GPRC5A: variants seen among roughly 807,000 people sequenced by gnomAD.
GPRC5A encodes the protein retinoic acid-induced protein 3.
A neutral mutation model predicts 22.5 loss-of-function variants in GPRC5A; 19 were observed. The observed-to-expected ratio is 0.85, with a 90% CI of 0.59 to 1.24. The LOEUF (loss-of-function observed/expected upper bound fraction) is 1.24, where lower values mean the gene tolerates loss of function less well. Among genes scored for constraint, GPRC5A ranks in the 50% most tolerant of loss-of-function variants. GPRC5A has a pLI of 0.00. For missense variants in GPRC5A, 471 were observed against 451.1 expected (o/e 1.04, Z -0.40); for synonymous variants, 192 against 184.5 (o/e 1.04, Z -0.33).
intron 1 of GPRC5A, among the ~76,000 whole-genome samples, chr12:12,902,647 G>A (rs1225285432): frequency 1.3e-5 from 2 of 152,152 alleles, no homozygotes; most frequent in Non-Finnish European, 2.9e-5. Flanking sequence ...GCATGCGCTT[G>A]TAGTTTCAGC....
rs1170078118 is a variant in GPRC5A, at chr12:12,913,608, A to C, written c.*1069A>C. The stretch of plus-strand genomic sequence containing the variant: ...CATTGTATAATAAGTTATTCACCTG[A>C]GTATGCAATAAAGATGTGGTGGCCA... On this transcript the variant is annotated 3_prime_UTR_variant, in exon 4 of 4. Coordinates refer to ENST00000014914, the MANE Select transcript of GPRC5A (RefSeq NM_003979.4). 6.6e-6 allele frequency: 1 copy of C among 152,108 alleles called. No homozygotes were observed. The highest frequency in any genetic ancestry group is 1.5e-5 in the Non-Finnish European group (1 of 68,030). 9.4% of individuals were successfully genotyped at this position (152,108 alleles called of 1,614,324 possible).
At chr12:12,899,919 G>T (rs1474443366) in intron 1 of GPRC5A, among the ~76,000 whole-genome samples, 1 of 152,188 alleles carries the variant, frequency 6.6e-6, no homozygotes, top group African/African-American at 2.4e-5. Flanking sequence ...ATTCTCAGAT[G>T]CTCTGGGAAG....
chr12:12,898,394 T>C (rs1344666165), intron 1 of GPRC5A, among the ~76,000 whole-genome samples: 6 of 151,904 alleles, frequency 3.9e-5, no homozygotes, highest in Non-Finnish European at 8.8e-5. Context: ...AGTAGCTAGA[T>C]GTGGTGGTGC....
intron 2 of GPRC5A, among the ~76,000 whole-genome samples, chr12:12,910,558 A>T (rs938235032): frequency 6.6e-6 from 1 of 152,210 alleles, no homozygotes; most frequent in African/African-American, 2.4e-5. Flanking sequence ...TGGAACCAAC[A>T]ACCTCTGAAG....
At position 12,917,776 on chromosome 12, in the gene GPRC5A, C is replaced by T. The variant is rs2136466572; in HGVS notation, c.*5237C>T. On this transcript the variant is annotated 3_prime_UTR_variant, in exon 4 of 4. Transcript: ENST00000014914. ...GGATTGCAAAGCAAGGCAAAGCGTTCTGTCTTCATTTTCCCCATCCCCATG... is the reference window on the plus strand; with the variant it reads ...GGATTGCAAAGCAAGGCAAAGCGTTTTGTCTTCATTTTCCCCATCCCCATG... 1 of 152,338 alleles carries T rather than the reference C, an allele frequency of 6.6e-6. No homozygotes were observed. The highest frequency in any genetic ancestry group is 1.9e-4 in the East Asian group (1 of 5,178). 9.4% of individuals were successfully genotyped at this position (152,338 alleles called of 1,614,324 possible).
chr12:12,900,593 G>A (rs1565463441), intron 1 of GPRC5A, among the ~76,000 whole-genome samples: 1 of 151,856 alleles, frequency 6.6e-6, no homozygotes, highest in Non-Finnish European at 1.5e-5. Context: ...TTCCCCACTG[G>A]TTTTTCTAAA....
chr12:12,915,991 C>A lies in GPRC5A; in HGVS notation c.*3452C>A. The A allele has an allele frequency of 2.5e-6, 1 of 399,796 alleles. No individual in the cohort carries two copies. Among genetic ancestry groups the A allele is most frequent in the Non-Finnish European group, 5.3e-6 (1 of 188,966 alleles). The allele number at this position is 399,796 out of a possible 1,614,324, so 24.8% of individuals were successfully genotyped here. On this transcript the variant is annotated 3_prime_UTR_variant, in exon 4 of 4. Transcript: ENST00000014914. ...AACTCATCTTCAGGTCTCACACCTTCTGCACATAAATAAGCTATTTTTAAA... is the reference window on the plus strand; with the variant it reads ...AACTCATCTTCAGGTCTCACACCTTATGCACATAAATAAGCTATTTTTAAA...
At position 12,908,536 on chromosome 12, in the gene GPRC5A, C is replaced by A; in HGVS notation, c.287C>A (p.Thr96Lys). The change falls in exon 2 of 4, where the codon ACA becomes AAA. Residue 96 changes from threonine to lysine, a missense_variant. Coordinates refer to ENST00000014914, the MANE Select transcript of GPRC5A (RefSeq NM_003979.4). ...IIGLDGSTGP[T>K]RFFLFGILFS... is the part of the protein sequence containing the mutation. ...GGACTGGACGGGAGCACAGGGCCCA[C>A]ACGCTTCTTCCTCTTTGGGATCCTC... The A allele has an allele frequency of 6.2e-7, 1 of 1,614,178 alleles. No individual in the cohort carries two copies. Among genetic ancestry groups the A allele is most frequent in the Admixed American group, 1.7e-5 (1 of 60,008 alleles).
At chr12:12,904,834 A>C (rs1863924366) in intron 1 of GPRC5A, among the ~76,000 whole-genome samples, 1 of 151,754 alleles carries the variant, frequency 6.6e-6, no homozygotes, top group Non-Finnish European at 1.5e-5. Flanking sequence ...TATGAATTAA[A>C]TAATTTTGGT....
At chr12:12,908,193 T>C in intron 1 of GPRC5A, 50 bp from the exon 2 acceptor site, 2 of 1,211,142 alleles carry the variant, frequency 1.7e-6, no homozygotes. Flanking sequence ...CTGAGGACTG[T>C]GTTAGGAGAT....
chr12:12,912,500 C>T lies in GPRC5A; in HGVS notation c.1035C>T (p.Ser345=). 6.2e-7 allele frequency: 1 copy of T among 1,612,168 alleles called. No homozygotes were observed. Among genetic ancestry groups the T allele is most frequent in the Non-Finnish European group, 8.5e-7 (1 of 1,178,176 alleles). ...TCCCACGGGCCCACGCTTGGCCGAG[C>T]CCTTACAAAGACTATGAAGTAAAGA... The part of the protein sequence containing the change: ...FSIPRAHAWP[S]PYKDYEVKKE... Residue 345 remains serine (S), a synonymous_variant, in exon 4 of 4, where the codon AGC becomes AGT. Transcript: ENST00000014914.
chr12:12,910,978 C>A (rs1037589812), intron 2 of GPRC5A, among the ~76,000 whole-genome samples: 1 of 151,188 alleles, frequency 6.6e-6, no homozygotes, highest in African/African-American at 2.4e-5. Flanking sequence ...TCAAGCAATT[C>A]TCCTGCCTCA....
At position 12,913,283 on chromosome 12, in the gene GPRC5A, A is replaced by AAC. The variant is rs1864026597; in HGVS notation, c.*744_*745insAC. 6.5e-6 allele frequency: 1 copy of AAC among 152,822 alleles called. No individual in the cohort carries two copies. The highest frequency in any genetic ancestry group is 2.1e-4 in the South Asian group (1 of 4,824). The allele number at this position is 152,822 out of a possible 1,614,324, so 9.5% of individuals were successfully genotyped here. A position where few individuals can be genotyped will look rare whatever the true frequency, so the allele number is the denominator to read the frequency against. ...TTACTCATCTCTCTAGTGCTGCCTCACATTGGGCCTCAGCAGCTCCCCAGC... is the reference window on the plus strand; with the variant it reads ...TTACTCATCTCTCTAGTGCTGCCTCAACCATTGGGCCTCAGCAGCTCCCCAGC... On this transcript the variant is annotated 3_prime_UTR_variant, in exon 4 of 4. Transcript: ENST00000014914.
rs186468486 is a variant in GPRC5A at position 12,907,795 on chromosome 12, C to A, written c.-7-448C>A. Among the ~76,000 whole-genome samples, 176 of 152,216 alleles carry A rather than the reference C, an allele frequency of 1.2e-3. 1 individual carries two copies. Among genetic ancestry groups the A allele is most frequent in the African/African-American group, 3.8e-3 (159 of 41,536 alleles). ...TACAGGTGCGTGCCACCATGCCCAGCTAATTTTTTAATATAAAGATGGAGT... is the reference window on the plus strand; with the variant it reads ...TACAGGTGCGTGCCACCATGCCCAGATAATTTTTTAATATAAAGATGGAGT... On this transcript the variant is annotated intron_variant, in intron 1 of 3. Coordinates refer to ENST00000014914, the MANE Select transcript of GPRC5A (RefSeq NM_003979.4).
At position 12,909,184 on chromosome 12, in the gene GPRC5A, C is replaced by T; in HGVS notation, c.922+13C>T. ...GAAATCACTCAAGGTACAGATGCAGCCTGGCTAGGCAGAGAATCCCTTGTA... is the reference window on the plus strand; with the variant it reads ...GAAATCACTCAAGGTACAGATGCAGTCTGGCTAGGCAGAGAATCCCTTGTA... On this transcript the variant is annotated intron_variant, in intron 2 of 3. Transcript: ENST00000014914. The T allele has an allele frequency of 6.5e-7, 1 of 1,527,878 alleles. No homozygotes were observed. The highest frequency in any genetic ancestry group is 8.8e-7 in the Non-Finnish European group (1 of 1,131,852). The allele number at this position is 1,527,878 out of a possible 1,614,324, so 94.6% of individuals were successfully genotyped here.
At position 12,915,968 on chromosome 12, in the gene GPRC5A, C is replaced by A; in HGVS notation, c.*3429C>A. 1 of 457,616 alleles carries A rather than the reference C, an allele frequency of 2.2e-6. No homozygotes were observed. Among genetic ancestry groups the A allele is most frequent in the Non-Finnish European group, 4.6e-6 (1 of 217,328 alleles). The allele number at this position is 457,616 out of a possible 1,614,324, so 28.3% of individuals were successfully genotyped here. Reference sequence around the variant, plus strand: ...CTCCTCCCACTGCTGCGGCTGTTAACTCATCTTCAGGTCTCACACCTTCTG... The same window carrying A: ...CTCCTCCCACTGCTGCGGCTGTTAAATCATCTTCAGGTCTCACACCTTCTG... On this transcript the variant is annotated 3_prime_UTR_variant, in exon 4 of 4. Coordinates refer to ENST00000014914, the MANE Select transcript of GPRC5A (RefSeq NM_003979.4).
rs1287981358 is a variant in GPRC5A, at chr12:12,915,874, C to T, written c.*3335C>T. 1.9e-6 allele frequency: 1 copy of T among 529,220 alleles called. No homozygotes were observed. Among genetic ancestry groups the T allele is most frequent in the Admixed American group, 1.9e-5 (1 of 51,288 alleles). The allele number at this position is 529,220 out of a possible 1,614,324, so 32.8% of individuals were successfully genotyped here. On this transcript the variant is annotated 3_prime_UTR_variant, in exon 4 of 4. Coordinates refer to ENST00000014914, the MANE Select transcript of GPRC5A (RefSeq NM_003979.4). ...CTGAAGCCTGCAGGGGCAGGCCAGCCCTGCACTGAACGCCTGTTCTTGCCA... is the reference window on the plus strand; with the variant it reads ...CTGAAGCCTGCAGGGGCAGGCCAGCTCTGCACTGAACGCCTGTTCTTGCCA...
rs1273874635 is a variant in GPRC5A at position 12,908,949 on chromosome 12, C to T, written c.700C>T (p.Pro234Ser). 9.3e-6 allele frequency: 15 copies of T among 1,614,170 alleles called. 1 individual carries two copies. The highest frequency in any genetic ancestry group is 3.3e-5 in the South Asian group (3 of 91,082). Residue 234 changes from proline (P) to serine (S), a missense_variant, in exon 2 of 4, where the codon CCT becomes TCT. Coordinates refer to ENST00000014914, the MANE Select transcript of GPRC5A (RefSeq NM_003979.4). Reference sequence around the variant, plus strand: ...GGCCTGGATCACCCTGCTCATGCTTCCTGACTTTGACCGCAGGTGGGATGA... The same window carrying T: ...GGCCTGGATCACCCTGCTCATGCTTTCTGACTTTGACCGCAGGTGGGATGA... ...WVAWITLLML[P>S]DFDRRWDDTI...
At chr12:12,910,592 C>G (rs2136462270) in intron 2 of GPRC5A, among the ~76,000 whole-genome samples, 1 of 152,264 alleles carries the variant, frequency 6.6e-6, no homozygotes, top group East Asian at 1.9e-4. Flanking sequence ...CCAGATGAAC[C>G]AAGTCGCTGT....
Sources: gnomAD v4.1 joint callset for allele counts (sites outside exome capture counted in the v4.1 genomes callset) on GRCh38, gnomAD v4.1.1 for gene constraint, MANE v1.5 for transcripts, NCBI Gene and HGNC (gene_info 2026-07-23, HGNC 2026-07-21) for gene names.